The following DHX9 variants were observed in gnomAD, a reference collection of about 807,000 sequenced individuals.
DHX9 encodes the protein ATP-dependent RNA helicase A.
A neutral mutation model predicts 148.7 loss-of-function variants in DHX9; 27 were observed. That is an observed-to-expected ratio of 0.18 (90% CI 0.13 to 0.25). The LOEUF (loss-of-function observed/expected upper bound fraction) is 0.25. Ranked by LOEUF, DHX9 falls within the 10% of genes least tolerant of loss-of-function variation. The pLI is 1.00. For missense variants in DHX9, 796 were observed against 1,559.6 expected, an observed-to-expected ratio of 0.51 and a Z score of 8.25; for synonymous variants, 529 against 516.6, an observed-to-expected ratio of 1.02 and a Z score of -0.33.
chr1:182,871,420 T>C (rs913092877), intron 14 of DHX9, among the ~76,000 whole-genome samples: 2 of 152,192 alleles, frequency 1.3e-5, no homozygotes, highest in Non-Finnish European at 2.9e-5. Flanking sequence ...ATCCACTGCT[T>C]ATGGGGATAT....
chr1:182,853,967 T>C, intron 5 of DHX9, 63 bp from the exon 6 acceptor site: 1 of 1,498,926 alleles, frequency 6.7e-7, no homozygotes, highest in Admixed American at 1.9e-5. Context: ...ATTAAAAATT[T>C]CTGTGCCTTG....
Position 182,874,763 on chromosome 1 carries a change from G to A in DHX9, c.1715-91G>A, listed in dbSNP as rs574322563. 9.7e-5 allele frequency: 95 copies of A among 980,866 alleles called. 2 individuals are homozygous for A. In the South Asian group the frequency reaches 1.2e-3, roughly 12 times the overall value. The allele number at this position is 980,866 out of a possible 1,614,324, so 60.8% of individuals were successfully genotyped here. A position where few individuals can be genotyped will look rare whatever the true frequency, so the allele number is the denominator to read the frequency against. On this transcript the variant is annotated intron_variant, in intron 15 of 27. Coordinates refer to ENST00000367549, the MANE Select transcript of DHX9 (RefSeq NM_001357.5). ...AGAATCAGACTAGAGGGGTATTAAA[G>A]TAGTTTTGAACTATGAATTAGCAAA...
rs767018232 is a variant in DHX9 at position 182,876,218 on chromosome 1, C to A, written c.1984C>A (p.Leu662Met). ...AVLVFLPGWN[L>M]IYTMQKHLEM... ...GTTGGTTTTTTTGCCTGGCTGGAAT[C>A]TGATTTATACTATGCAGAAGCATTT... The change falls in exon 17 of 28, where the codon CTG becomes ATG. Residue 662 changes from leucine to methionine, a missense_variant. This residue lies in a region of DHX9 where 133 missense variants were observed against 223.8 expected (regional missense o/e 0.59). Coordinates refer to ENST00000367549, the MANE Select transcript of DHX9 (RefSeq NM_001357.5). 1 of 1,613,896 alleles carries A rather than the reference C, an allele frequency of 6.2e-7. No homozygotes were observed. Among genetic ancestry groups the A allele is most frequent in the Admixed American group, 1.7e-5 (1 of 60,010 alleles).
intron 12 of DHX9, among the ~76,000 whole-genome samples, chr1:182,865,763 A>T (rs1648267776): frequency 6.6e-6 from 1 of 152,222 alleles, no homozygotes; most frequent in South Asian, 2.1e-4. Flanking sequence ...GTAGCTATAC[A>T]TTAGGCATGT....
At chr1:182,884,035 G>A (rs892218379) in intron 26 of DHX9, among the ~76,000 whole-genome samples, 9 of 152,136 alleles carry the variant, frequency 5.9e-5, no homozygotes, top group African/African-American at 2.2e-4. Context: ...GGATGATCTG[G>A]CTGGGTGCGG....
At chr1:182,880,349 G>T in intron 21 of DHX9, 148 bp from the exon 22 acceptor site, 1 of 525,324 alleles carries the variant, frequency 1.9e-6, no homozygotes, top group East Asian at 3.0e-5. Context: ...TTTGAGTACA[G>T]AGAATTGTTG....
chr1:182,874,280 A>T (rs1424120606), intron 15 of DHX9, among the ~76,000 whole-genome samples: 2 of 152,218 alleles, frequency 1.3e-5, no homozygotes, highest in African/African-American at 4.8e-5. Flanking sequence ...TCAAGTTTTA[A>T]CATCATGAGG....
At chr1:182,863,718 G>A (rs145953181) in intron 12 of DHX9, among the ~76,000 whole-genome samples, 3 of 152,190 alleles carry the variant, frequency 2.0e-5, no homozygotes, top group South Asian at 2.1e-4. Flanking sequence ...ATACGCTCAC[G>A]TTAGGCATTG....
intron 12 of DHX9, among the ~76,000 whole-genome samples, chr1:182,862,549 C>T (rs113911046): frequency 0.033 from 5,066 of 152,206 alleles, 203 homozygotes; most frequent in African/African-American, 0.09. Flanking sequence ...AGGATAAGAA[C>T]GGTTCTTTGT....
At chr1:182,859,950 G>A (rs770196424) in intron 11 of DHX9, 43 bp from the exon 12 acceptor site, 2 of 1,566,276 alleles carry the variant, frequency 1.3e-6, no homozygotes. Flanking sequence ...TGCTTCTAAT[G>A]TGTTGGTAGA....
chr1:182,876,045 T>C lies in DHX9; in HGVS notation c.1816-5T>C. The C allele has an allele frequency of 6.2e-7, 1 of 1,612,786 alleles. No homozygotes were observed. The highest frequency in any genetic ancestry group is 2.2e-5 in the East Asian group (1 of 44,858). Reference sequence around the variant, plus strand: ...TCCAAAAATATGTCTCCCTGTTTTTTACAGGCAAATTGCAACTTGATCTGT... The same window carrying C: ...TCCAAAAATATGTCTCCCTGTTTTTCACAGGCAAATTGCAACTTGATCTGT... On this transcript the variant is annotated splice_polypyrimidine_tract_variant and splice_region_variant and intron_variant, in intron 16 of 27. Coordinates refer to ENST00000367549, the MANE Select transcript of DHX9 (RefSeq NM_001357.5).
Position 182,866,945 on chromosome 1 carries a change from T to G in DHX9, c.1475-16T>G, listed in dbSNP as rs778912250. ...TTGAACTTTTCTATAGTTTATTGAT[T>G]GTTTTTCTTTTCAAGGTGTGCTCCT... On this transcript the variant is annotated splice_polypyrimidine_tract_variant and intron_variant, in intron 13 of 27. Coordinates refer to ENST00000367549, the MANE Select transcript of DHX9 (RefSeq NM_001357.5). 1.6e-5 allele frequency: 26 copies of G among 1,596,476 alleles called. No homozygotes were observed. In the South Asian group the frequency reaches 2.8e-4, roughly 17 times the overall value.
At chr1:182,863,135 GTACT>G (rs1648062728) in intron 12 of DHX9, among the ~76,000 whole-genome samples, 1 of 152,082 alleles carries the variant, frequency 6.6e-6, no homozygotes, top group Non-Finnish European at 1.5e-5. Context: ...TTCATCACTG[GTACT>G]TTCTAACTAG....
intron 15 of DHX9, among the ~76,000 whole-genome samples, chr1:182,874,087 C>T (rs144988405): frequency 6.6e-6 from 1 of 152,288 alleles, no homozygotes; most frequent in East Asian, 1.9e-4. Context: ...GTGACAAGTG[C>T]CTCTTACAAA....
Position 182,856,516 on chromosome 1 carries a change from G to A in DHX9, c.627-16G>A, listed in dbSNP as rs748614424. 1 of 1,612,928 alleles carries A rather than the reference G, an allele frequency of 6.2e-7. No homozygotes were observed. The highest frequency in any genetic ancestry group is 1.3e-5 in the African/African-American group (1 of 74,998). On this transcript the variant is annotated splice_polypyrimidine_tract_variant and intron_variant, in intron 6 of 27. Coordinates refer to ENST00000367549, the MANE Select transcript of DHX9 (RefSeq NM_001357.5). ...AACAGTGAAATTTCTAACCTTGCTTGTATATGTTGTTACAGGAGCTTTATT... is the reference window on the plus strand; with the variant it reads ...AACAGTGAAATTTCTAACCTTGCTTATATATGTTGTTACAGGAGCTTTATT...
intron 15 of DHX9, among the ~76,000 whole-genome samples, chr1:182,873,179 C>T (rs1004058992): frequency 4.6e-5 from 7 of 152,168 alleles, no homozygotes; most frequent in South Asian, 4.1e-4. Context: ...TGCTCTCAAA[C>T]TCATGGACTC....
intron 20 of DHX9, among the ~76,000 whole-genome samples, chr1:182,878,400 A>G (rs1051745369): frequency 2.2e-4 from 33 of 152,208 alleles, no homozygotes; most frequent in African/African-American, 7.5e-4. Flanking sequence ...TGCCTAATAC[A>G]TTGTATAACA....
In DHX9 at chr1:182,879,295, T is replaced by C; in HGVS notation, c.2397T>C (p.His799=). The part of the protein sequence containing the change: ...MTPEMFRTPL[H]EIALSIKLLR... ...CAGAGATGTTCCGAACACCATTGCATGAAATTGCTCTTAGCATAAAACTTC... is the reference window on the plus strand; with the variant it reads ...CAGAGATGTTCCGAACACCATTGCACGAAATTGCTCTTAGCATAAAACTTC... Residue 799 remains histidine, a synonymous_variant, in exon 21 of 28, where the codon CAT becomes CAC. Coordinates refer to ENST00000367549, the MANE Select transcript of DHX9 (RefSeq NM_001357.5). The C allele has an allele frequency of 6.5e-7, 1 of 1,540,094 alleles. No individual in the cohort carries two copies. The highest frequency in any genetic ancestry group is 8.9e-7 in the Non-Finnish European group (1 of 1,126,742).
At chr1:182,854,777 A>G (rs956703903) in intron 6 of DHX9, among the ~76,000 whole-genome samples, 2 of 152,154 alleles carry the variant, frequency 1.3e-5, no homozygotes, top group African/African-American at 4.8e-5. Flanking sequence ...AAGGGAGGTC[A>G]TTTTAACAGT....
Sources: gnomAD v4.1 joint callset for allele counts (sites outside exome capture counted in the v4.1 genomes callset) on GRCh38, gnomAD v4.1.1 for gene constraint, gnomAD v4.1.1 regional missense constraint, MANE v1.5 for transcripts, NCBI Gene and HGNC (gene_info 2026-07-23, HGNC 2026-07-21) for gene names.